Variants in CCDC7 observed in about 807,000 individuals in gnomAD.
CCDC7 encodes the protein coiled-coil domain-containing protein 7.
In CCDC7, 183 loss-of-function variants were observed where a neutral mutation model predicts 196.9. That is an observed-to-expected ratio of 0.93 (90% CI 0.82 to 1.05). CCDC7 has a LOEUF of 1.05. Ranked by LOEUF, CCDC7 falls within the 50% of genes least tolerant of loss-of-function variation. The pLI, the probability that CCDC7 is intolerant of heterozygous loss-of-function variation, is 0.00. For missense variants in CCDC7, 1,540 were observed against 1,482.2 expected (o/e 1.04, Z -0.64); for synonymous variants, 525 against 484.6 (o/e 1.08, Z -1.10).
At chr10:32,531,725 G>T (rs2049694098) in intron 11 of CCDC7, among the ~76,000 whole-genome samples, 1 of 152,094 alleles carries the variant, frequency 6.6e-6, no homozygotes, top group African/African-American at 2.4e-5. Context: ...CCTTGATCTT[G>T]TTACTTATTA....
chr10:32,737,166 T>A (rs2085000550), intron 28 of CCDC7, among the ~76,000 whole-genome samples: 1 of 152,152 alleles, frequency 6.6e-6, no homozygotes, highest in Non-Finnish European at 1.5e-5. Flanking sequence ...CATTAATTGA[T>A]TTTTGAATAT....
chr10:32,838,484 TATGTTAA>T (rs1440026471), intron 33 of CCDC7, among the ~76,000 whole-genome samples: 3 of 152,092 alleles, frequency 2.0e-5, no homozygotes, highest in Non-Finnish European at 4.4e-5. Flanking sequence ...AGTTTGGGAC[TATGTTAA>T]ATGTTCAAAC....
intron 25 of CCDC7, among the ~76,000 whole-genome samples, chr10:32,719,118 C>G (rs2082034438): frequency 6.6e-6 from 1 of 152,130 alleles, no homozygotes; most frequent in Non-Finnish European, 1.5e-5. Flanking sequence ...TACCTGACTC[C>G]AAACTATACT....
intron 9 of CCDC7, among the ~76,000 whole-genome samples, chr10:32,496,447 TCC>T: frequency 6.6e-6 from 1 of 152,360 alleles, no homozygotes; most frequent in African/African-American, 2.4e-5. Flanking sequence ...AGAGAGGGCA[TCC>T]TTGTCTTGTG....
intron 11 of CCDC7, among the ~76,000 whole-genome samples, chr10:32,538,855 G>A (rs1040008606): frequency 1.6e-4 from 25 of 152,026 alleles, no homozygotes; most frequent in African/African-American, 2.2e-4. Flanking sequence ...GGCGGATTAC[G>A]TTTTTGATGT....
intron 6 of CCDC7, 93 bp from the exon 8 acceptor site, chr10:32,472,388 A>T: frequency 8.9e-7 from 1 of 1,129,790 alleles, no homozygotes; most frequent in Non-Finnish European, 1.2e-6. Flanking sequence ...CAAACTTCAT[A>T]TGTCTGGACT....
At chr10:32,517,017 C>G (rs2047127570) in intron 9 of CCDC7, among the ~76,000 whole-genome samples, 1 of 152,130 alleles carries the variant, frequency 6.6e-6, no homozygotes, top group Non-Finnish European at 1.5e-5. Flanking sequence ...TGAAAATAAT[C>G]TATGGTCTAT....
At chr10:32,745,853 C>G (rs559710304) in intron 28 of CCDC7, among the ~76,000 whole-genome samples, 7 of 152,282 alleles carry the variant, frequency 4.6e-5, no homozygotes, top group East Asian at 1.9e-4. Context: ...CATATAATCT[C>G]TCTCCATTTA....
At chr10:32,563,069 A>G (rs1589927566) in intron 13 of CCDC7, among the ~76,000 whole-genome samples, 1 of 152,266 alleles carries the variant, frequency 6.6e-6, no homozygotes, top group African/African-American at 2.4e-5. Flanking sequence ...AGAGAATAAA[A>G]TACCTAGGAA....
intron 29 of CCDC7, among the ~76,000 whole-genome samples, chr10:32,803,369 G>T (rs1462235721): frequency 6.6e-6 from 1 of 152,164 alleles, no homozygotes; most frequent in African/African-American, 2.4e-5. Flanking sequence ...TTGTCTTGGG[G>T]ACTCTTTCTC....
intron 9 of CCDC7, among the ~76,000 whole-genome samples, chr10:32,501,981 G>A (rs1157063351): frequency 2.0e-5 from 3 of 152,120 alleles, no homozygotes; most frequent in African/African-American, 4.8e-5. Context: ...AGGGAGCTGC[G>A]GTGGGCTCCA....
intron 28 of CCDC7, among the ~76,000 whole-genome samples, chr10:32,766,430 G>A (rs1458028212): frequency 6.6e-6 from 1 of 151,944 alleles, no homozygotes; most frequent in Non-Finnish European, 1.5e-5. Flanking sequence ...CTTCCACTTG[G>A]GAAACATGAT....
intron 13 of CCDC7, among the ~76,000 whole-genome samples, chr10:32,561,776 C>T (rs2055703821): frequency 6.6e-6 from 1 of 152,080 alleles, no homozygotes; most frequent in South Asian, 2.1e-4. Flanking sequence ...CAAAAGCTAG[C>T]AGAAGGCAAG....
chr10:32,743,742 A>G (rs1330356680), intron 28 of CCDC7, among the ~76,000 whole-genome samples: 1 of 152,094 alleles, frequency 6.6e-6, no homozygotes, highest in East Asian at 1.9e-4. Context: ...ACCAACCCAA[A>G]TGTCCATCAG....
intron 21 of CCDC7, among the ~76,000 whole-genome samples, chr10:32,681,738 T>TACACACACAC (rs57829018): frequency 0.016 from 2,214 of 137,584 alleles, 45 homozygotes; most frequent in African/African-American, 0.054. Flanking sequence ...TTTATATGTA[T>TACACACACAC]ACACACACAC....
chr10:32,824,026 T>C (rs1158427879), intron 31 of CCDC7, among the ~76,000 whole-genome samples: 1 of 152,174 alleles, frequency 6.6e-6, no homozygotes, highest in Non-Finnish European at 1.5e-5. Flanking sequence ...GTCAAGGAAC[T>C]TCTGTTTTAT....
intron 1 of CCDC7, among the ~76,000 whole-genome samples, chr10:32,452,856 A>G (rs1185347899): frequency 1.3e-5 from 2 of 152,188 alleles, no homozygotes; most frequent in African/African-American, 2.4e-5. Context: ...CCAAATAACA[A>G]TGAGGAAGAG....
In CCDC7 at chr10:32,460,541, G is replaced by A. The variant is rs546720625; in HGVS notation, c.457-2142G>A. 1.1e-3 allele frequency among the ~76,000 whole-genome samples: 169 copies of A among 152,282 alleles called. 2 individuals carry two copies. In the South Asian group the frequency reaches 0.02, roughly 18 times the overall value. On this transcript the variant is annotated intron_variant, in intron 3 of 41. Coordinates refer to ENST00000639629, the Ensembl canonical transcript of CCDC7. ...AGTTTCCCATCAGGTTCCAGTGCAG[G>A]AAGGGAAGTTTTGAGAACCCCGGAA...
Position 32,451,666 on chromosome 10 carries a change from G to T in CCDC7, c.24G>T (p.Leu8Phe), listed in dbSNP as rs1357439808. The change falls in exon 1 of 42, where the codon TTG (leucine) becomes TTT (phenylalanine). Residue 8 changes from leucine to phenylalanine, a missense_variant. Transcript: ENST00000639629. ...AAATGAAACCAGTAAAGCATCTGTTGACCACCAGTAACAAATCGGCAAATG... is the reference window on the plus strand; with the variant it reads ...AAATGAAACCAGTAAAGCATCTGTTTACCACCAGTAACAAATCGGCAAATG... The T allele has an allele frequency of 3.1e-6, 5 of 1,608,830 alleles. No individual in the cohort carries two copies. The Admixed American group carries it at 6.7e-5, about 22-fold the overall frequency.
Sources: gnomAD v4.1 joint callset for allele counts (sites outside exome capture counted in the v4.1 genomes callset) on GRCh38, gnomAD v4.1.1 for gene constraint, MANE v1.5 for transcripts, NCBI Gene and HGNC (gene_info 2026-07-23, HGNC 2026-07-21) for gene names.